ARHGAP26: variants seen among roughly 807,000 people sequenced by gnomAD.
ARHGAP26 encodes the protein Rho GTPase activating protein 26.
In ARHGAP26, 38 loss-of-function variants were observed where a neutral mutation model predicts 104.8. The observed-to-expected ratio is 0.36, with a 90% CI of 0.28 to 0.48. ARHGAP26 has a LOEUF of 0.48. Ranked by LOEUF, ARHGAP26 falls within the 20% of genes least tolerant of loss-of-function variation. The probability of loss-of-function intolerance (pLI) is 0.99; values close to 1 mark genes in which losing one functional copy is unlikely to be tolerated. For missense variants in ARHGAP26, 704 were observed against 947.9 expected (o/e 0.74, Z 3.38); for synonymous variants, 341 against 340.0 (o/e 1.00, Z -0.03).
At chr5:143,125,439 A>G (rs1490591643) in intron 18 of ARHGAP26, among the ~76,000 whole-genome samples, 1 of 152,222 alleles carries the variant, frequency 6.6e-6, no homozygotes, top group East Asian at 1.9e-4. Context: ...TTCACACACA[A>G]CTTGTGTTTG....
At chr5:143,033,411 G>A (rs1052833096) in intron 12 of ARHGAP26, among the ~76,000 whole-genome samples, 9 of 152,210 alleles carry the variant, frequency 5.9e-5, no homozygotes, top group South Asian at 2.1e-4. Flanking sequence ...ATTTGGAAGC[G>A]TCCATTTTAT....
At position 142,880,024 on chromosome 5, in the gene ARHGAP26, T is replaced by A. The variant is rs181873008; in HGVS notation, c.384+579T>A. Among the ~76,000 whole-genome samples, 665 of 152,310 alleles carry A rather than the reference T, an allele frequency of 4.4e-3. 5 individuals are homozygous for A. The highest frequency in any genetic ancestry group is 0.034 in the Middle Eastern group (10 of 294). On this transcript the variant is annotated intron_variant, in intron 4 of 22. Transcript: ENST00000645722. ...GAAATTTCTTGTTGGCAAATAATTT[T>A]AAAATATATATTACCCATTGTGCAG...
At chr5:143,097,540 G>T (rs897045470) in intron 17 of ARHGAP26, among the ~76,000 whole-genome samples, 2 of 151,708 alleles carry the variant, frequency 1.3e-5, no homozygotes, top group African/African-American at 4.8e-5. Context: ...TTATGCAATG[G>T]CCGGGCGCGG....
intron 1 of ARHGAP26, among the ~76,000 whole-genome samples, chr5:142,840,044 G>A (rs1770456490): frequency 6.6e-6 from 1 of 152,194 alleles, no homozygotes; most frequent in African/African-American, 2.4e-5. Flanking sequence ...TGGTGGAGGA[G>A]TGCCTGTGTC....
intron 17 of ARHGAP26, among the ~76,000 whole-genome samples, chr5:143,118,537 A>G (rs1212542224): frequency 6.6e-6 from 1 of 152,208 alleles, no homozygotes; most frequent in Non-Finnish European, 1.5e-5. Context: ...TTGGGAGGCC[A>G]AGCTGGGAGA....
At chr5:142,907,501 A>C in intron 8 of ARHGAP26, 26 of 286,894 alleles carry the variant, frequency 9.1e-5, no homozygotes, top group East Asian at 2.2e-4. Context: ...CCTGGGGGAA[A>C]TCCCGGGGTT....
intron 19 of ARHGAP26, among the ~76,000 whole-genome samples, chr5:143,141,277 G>A (rs544917709): frequency 3.9e-5 from 6 of 152,320 alleles, no homozygotes; most frequent in South Asian, 4.1e-4. Flanking sequence ...CATTCTAGGC[G>A]CATACTTTTG....
intron 17 of ARHGAP26, among the ~76,000 whole-genome samples, chr5:143,108,705 A>T (rs1337683059): frequency 6.6e-6 from 1 of 152,188 alleles, no homozygotes; most frequent in African/African-American, 2.4e-5. Flanking sequence ...CCACAAAAGG[A>T]GATAGGTTAC....
In ARHGAP26 at chr5:143,214,039, T is replaced by G; in HGVS notation, c.2142T>G (p.Ala714=). 6.3e-7 allele frequency: 1 copy of G among 1,594,678 alleles called. No homozygotes were observed. The highest frequency in any genetic ancestry group is 8.6e-7 in the Non-Finnish European group (1 of 1,168,220). ...RKAKALYACK[A]EHDSELSFTA... is the part of the protein sequence containing the mutation. ...CAAAAGCCTTGTATGCCTGCAAAGCTGAACATGACTCAGAACTTTCGTTCA... is the reference window on the plus strand; with the variant it reads ...CAAAAGCCTTGTATGCCTGCAAAGCGGAACATGACTCAGAACTTTCGTTCA... Residue 714 remains alanine, a synonymous_variant, in exon 22 of 23, where the codon GCT becomes GCG. Transcript: ENST00000645722.
intron 3 of ARHGAP26, among the ~76,000 whole-genome samples, chr5:142,878,890 G>A (rs1756519155): frequency 6.6e-6 from 1 of 152,126 alleles, no homozygotes; most frequent in African/African-American, 2.4e-5. Flanking sequence ...CTCTAGTCCA[G>A]TCCTGTCTTG....
In ARHGAP26 at chr5:142,847,856, C is replaced by T. The variant is rs1597889762; in HGVS notation, c.155-25544C>T. Among the ~76,000 whole-genome samples, 3 of 152,306 alleles carry T rather than the reference C, an allele frequency of 2.0e-5. No individual in the cohort carries two copies. The South Asian group carries it at 6.2e-4, about 32-fold the overall frequency. On this transcript the variant is annotated intron_variant, in intron 1 of 22. Coordinates refer to ENST00000645722, the MANE Select transcript of ARHGAP26 (RefSeq NM_001135608.3). ...GACACCTGGAGGTGGGGAAGTGCAA[C>T]ATTGCTGGTGGAGTGAACATCAGGG...
intron 3 of ARHGAP26, among the ~76,000 whole-genome samples, chr5:142,876,029 AC>A (rs1400449696): frequency 2.0e-5 from 3 of 152,222 alleles, no homozygotes; most frequent in Non-Finnish European, 1.5e-5. Context: ...GGCATGAGCA[AC>A]CCTGCCTATA....
chr5:143,035,303 T>C (rs559710002), intron 12 of ARHGAP26, among the ~76,000 whole-genome samples: 1 of 152,292 alleles, frequency 6.6e-6, no homozygotes, highest in East Asian at 1.9e-4. Context: ...TGCCTATCAG[T>C]CAACAAGTGG....
chr5:143,108,577 G>GT (rs933122783), intron 17 of ARHGAP26, among the ~76,000 whole-genome samples: 3 of 151,916 alleles, frequency 2.0e-5, no homozygotes, highest in East Asian at 1.9e-4. Context: ...CAGCCTCCCA[G>GT]TGTTTTTTCA....
rs1194128686 is a variant in ARHGAP26 at position 142,938,730 on chromosome 5, G to T, written c.1107+6605G>T. 3.9e-5 allele frequency among the ~76,000 whole-genome samples: 6 copies of T among 152,204 alleles called. No homozygotes were observed. In the East Asian group the frequency reaches 1.2e-3, roughly 29 times the overall value. ...GATCCACAGCTTCAGGGCTTGCGTA[G>T]CCTCTTAAAACTGCATTTCCATATA... On this transcript the variant is annotated intron_variant, in intron 11 of 22. Transcript: ENST00000645722.
intron 1 of ARHGAP26, among the ~76,000 whole-genome samples, chr5:142,840,647 G>A (rs536634659): frequency 6.6e-6 from 1 of 152,294 alleles, no homozygotes; most frequent in East Asian, 1.9e-4. Flanking sequence ...CGTCTTATTT[G>A]AGCCTAGTTG....
chr5:143,080,744 G>T (rs987011653), intron 17 of ARHGAP26, among the ~76,000 whole-genome samples: 4 of 152,164 alleles, frequency 2.6e-5, no homozygotes, highest in Admixed American at 2.0e-4. Context: ...TTGTAATGGG[G>T]AGCCACTGGA....
intron 20 of ARHGAP26, chr5:143,168,445 C>CATTTTTTT (rs1802319615): frequency 3.9e-5 from 1 of 25,670 alleles, no homozygotes; most frequent in East Asian, 1.9e-3. Context: ...ATCTGGAACT[C>CATTTTTTT]TTTTTTTTTT....
At chr5:142,962,153 T>C (rs1770363787) in intron 11 of ARHGAP26, among the ~76,000 whole-genome samples, 1 of 152,266 alleles carries the variant, frequency 6.6e-6, no homozygotes, top group Non-Finnish European at 1.5e-5. Context: ...GCCTGTCTTC[T>C]ACAGATTATA....
Sources: allele counts gnomAD v4.1 joint callset (sites outside exome capture counted in the v4.1 genomes callset), GRCh38; gene constraint gnomAD v4.1.1; transcripts MANE v1.5; gene names NCBI Gene and HGNC (gene_info 2026-07-23, HGNC 2026-07-21).